The following RAP1A variants were observed in gnomAD, a reference collection of about 807,000 sequenced individuals.
RAP1A encodes RAP1A, member of RAS oncogene family, also known as ras-related protein Rap-1A.
A neutral mutation model predicts 26.4 loss-of-function variants in RAP1A; 6 were observed. That is an observed-to-expected ratio of 0.23 (90% CI 0.12 to 0.45). RAP1A has a LOEUF of 0.45. Among genes scored for constraint, RAP1A ranks in the 20% least tolerant of loss-of-function variants. RAP1A has a pLI of 0.99. For missense variants in RAP1A, 121 were observed against 217.2 expected (o/e 0.56, Z 2.78); for synonymous variants, 73 against 79.4 (o/e 0.92, Z 0.43).
At chr1:111,667,682 CAA>C (rs58742031) in intron 1 of RAP1A, among the ~76,000 whole-genome samples, 4 of 117,868 alleles carry the variant, frequency 3.4e-5, no homozygotes, top group Admixed American at 8.8e-5. Flanking sequence ...GACTCCGTCT[CAA>C]AAAAAAAAAA....
intron 6 of RAP1A, among the ~76,000 whole-genome samples, chr1:111,708,939 C>T (rs932096400): frequency 6.6e-5 from 10 of 152,142 alleles, no homozygotes; most frequent in African/African-American, 2.4e-4. Context: ...TGTCGAATAT[C>T]TAGGAGCAAG....
At chr1:111,709,935 A>G (rs1662325340) in intron 7 of RAP1A, among the ~76,000 whole-genome samples, 1 of 152,214 alleles carries the variant, frequency 6.6e-6, no homozygotes, top group African/African-American at 2.4e-5. Context: ...ATTAGTATGA[A>G]TAATTCTGTG....
intron 1 of RAP1A, among the ~76,000 whole-genome samples, chr1:111,612,527 A>G (rs1658941761): frequency 6.6e-6 from 1 of 152,214 alleles, no homozygotes; most frequent in African/African-American, 2.4e-5. Context: ...ACAATGCACA[A>G]TATGCACCTG....
At chr1:111,619,625 T>G (rs1659100542), upstream of RAP1A, among the ~76,000 whole-genome samples, 1 of 152,114 alleles carries the variant, frequency 6.6e-6, no homozygotes, top group African/African-American at 2.4e-5. Flanking sequence ...TCCCGGTAGC[T>G]CCAGGCTTTC....
In RAP1A at chr1:111,611,109, G is replaced by C. The variant is rs1056026743; in HGVS notation, c.-28+68600G>C. Among the ~76,000 whole-genome samples, 3 of 152,138 alleles carry C rather than the reference G, an allele frequency of 2.0e-5. No individual in the cohort carries two copies. The South Asian group carries it at 6.2e-4, about 31-fold the overall frequency. The stretch of plus-strand genomic sequence containing the variant: ...ACACAGAGTGCAGAAGTCCTATTAC[G>C]ACAAATCCTATTACAACAAATCCAC... On this transcript the variant is annotated intron_variant, in intron 1 of 7. Coordinates refer to the RAP1A transcript ENST00000356415.
At chr1:111,686,794 G>A (rs1661496017) in intron 1 of RAP1A, 1 of 151,206 alleles carries the variant, frequency 6.6e-6, no homozygotes, top group Non-Finnish European at 1.5e-5. Flanking sequence ...GTTTAAAGTA[G>A]GTAGGGATTC....
chr1:111,700,453 A>AC (rs1240450506), intron 4 of RAP1A, among the ~76,000 whole-genome samples: 1 of 152,130 alleles, frequency 6.6e-6, no homozygotes, highest in African/African-American at 2.4e-5. Flanking sequence ...ACCAGATCTC[A>AC]CGAGAACTCA....
chr1:111,634,495 C>T (rs1249296968), intron 1 of RAP1A, among the ~76,000 whole-genome samples: 1 of 150,090 alleles, frequency 6.7e-6, no homozygotes, highest in African/African-American at 2.4e-5. Flanking sequence ...ATTATTATCT[C>T]TGATGTATGG....
At position 111,591,872 on chromosome 1, in the gene RAP1A, G is replaced by A. The variant is rs527356811; in HGVS notation, c.-28+49363G>A. 2.7e-3 allele frequency among the ~76,000 whole-genome samples: 417 copies of A among 152,296 alleles called. 6 individuals carry two copies. The highest frequency in any genetic ancestry group is 9.7e-4 in the Non-Finnish European group (66 of 68,020). ...CATGCTACATAAGAAAGATTTAACAGCCCAAACAATAATCATGAGATTTAT... is the reference window on the plus strand; with the variant it reads ...CATGCTACATAAGAAAGATTTAACAACCCAAACAATAATCATGAGATTTAT... On this transcript the variant is annotated intron_variant, in intron 1 of 7. Transcript: ENST00000356415.
At chr1:111,560,941 T>C (rs1385302944) in intron 1 of RAP1A, among the ~76,000 whole-genome samples, 2 of 152,210 alleles carry the variant, frequency 1.3e-5, no homozygotes, top group African/African-American at 4.8e-5. Flanking sequence ...GCACCAGATC[T>C]CTGGCTGGTC....
At chr1:111,694,364 C>T (rs912485041) in intron 2 of RAP1A, among the ~76,000 whole-genome samples, 1 of 152,100 alleles carries the variant, frequency 6.6e-6, no homozygotes, top group African/African-American at 2.4e-5. Flanking sequence ...CTCTTTAGCT[C>T]AAGCTAAAAT....
intron 1 of RAP1A, among the ~76,000 whole-genome samples, chr1:111,570,195 C>T (rs556409789): frequency 6.6e-6 from 1 of 152,204 alleles, no homozygotes; most frequent in African/African-American, 2.4e-5. Flanking sequence ...TCCTCTGAGG[C>T]TTCAAAACCA....
At chr1:111,619,968 A>G in intron 1 of RAP1A, 34 bp downstream of exon 1, 1 of 397,020 alleles carries the variant, frequency 2.5e-6, no homozygotes, top group East Asian at 3.6e-5. Context: ...AGACGGCCCC[A>G]GAGGGAGCGG....
intron 1 of RAP1A, among the ~76,000 whole-genome samples, chr1:111,659,540 C>T (rs1481817134): frequency 1.3e-5 from 2 of 148,604 alleles, no homozygotes; most frequent in Non-Finnish European, 3.0e-5. Flanking sequence ...ATTATTATAC[C>T]TTAAGTTTTA....
At chr1:111,623,929 G>A (rs541582978) in intron 1 of RAP1A, among the ~76,000 whole-genome samples, 1 of 152,258 alleles carries the variant, frequency 6.6e-6, no homozygotes, top group South Asian at 2.1e-4. Flanking sequence ...TCTGACATGT[G>A]ATAGGGACAC....
At chr1:111,658,763 T>C (rs1260492184) in intron 1 of RAP1A, among the ~76,000 whole-genome samples, 1 of 152,184 alleles carries the variant, frequency 6.6e-6, no homozygotes. Context: ...TCCAATTGAT[T>C]GATGGTGTTG....
intron 1 of RAP1A, among the ~76,000 whole-genome samples, chr1:111,552,572 T>C (rs1657313379): frequency 6.6e-6 from 1 of 152,204 alleles, no homozygotes; most frequent in Non-Finnish European, 1.5e-5. Context: ...TTATCCACTA[T>C]ATCCAGAAAA....
In RAP1A at chr1:111,649,037, G is replaced by A. The variant is rs760104882; in HGVS notation, c.-28+29103G>A. 8.0e-6 allele frequency: 5 copies of A among 621,244 alleles called. No individual in the cohort carries two copies. In the African/African-American group the frequency reaches 9.1e-5, roughly 11 times the overall value. 38.5% of individuals were successfully genotyped at this position (621,244 alleles called of 1,614,324 possible). A position where few individuals can be genotyped will look rare whatever the true frequency, so the allele number is the denominator to read the frequency against. On this transcript the variant is annotated intron_variant, in intron 1 of 7. Transcript: ENST00000369709. ...CATTGACCTTGTGGAGTCCGTGGAT[G>A]TCACTCTCCACAGACTGGCACATGG...
intron 7 of RAP1A, among the ~76,000 whole-genome samples, 192 bp downstream of exon 7, chr1:111,709,456 ACAG>A (rs1326773822): frequency 6.6e-6 from 1 of 152,122 alleles, no homozygotes; most frequent in Admixed American, 6.6e-5. Flanking sequence ...AAGCTCTCTG[ACAG>A]CAGGGACCAT....
Sources: gnomAD v4.1 joint callset for allele counts (sites outside exome capture counted in the v4.1 genomes callset) on GRCh38, gnomAD v4.1.1 for gene constraint, MANE v1.5 for transcripts, NCBI Gene and HGNC (gene_info 2026-07-23, HGNC 2026-07-21) for gene names.